The following PRKCE variants were observed in gnomAD, a reference collection of about 807,000 sequenced individuals.
The protein encoded by PRKCE is protein kinase C epsilon, also known as protein kinase C epsilon type.
In PRKCE, 16 loss-of-function variants were observed where a neutral mutation model predicts 85.4. That is an observed-to-expected ratio of 0.19 (90% confidence interval 0.13 to 0.28). PRKCE has a LOEUF of 0.28. PRKCE is among the 10% of genes least tolerant of loss of function. PRKCE has a pLI of 1.00. For synonymous variants in PRKCE, 388 were observed against 371.5 expected (o/e 1.04, Z -0.51); for missense variants, 573 against 975.2 (o/e 0.59, Z 5.49).
chr2:45,675,803 C>T (rs544517890), intron 1 of PRKCE: 1 of 152,398 alleles, frequency 6.6e-6, no homozygotes, highest in East Asian at 1.9e-4. Flanking sequence ...GGAGCTGGCC[C>T]TCAGCTCACA....
chr2:46,118,140 A>G lies in PRKCE; in HGVS notation c.1593-26953A>G, dbSNP rs117444595. Among the ~76,000 whole-genome samples, 134 of 152,356 alleles carry G rather than the reference A, an allele frequency of 8.8e-4. 2 individuals are homozygous for G. In the East Asian group the frequency reaches 0.024, roughly 27 times the overall value. ...TAAATGGTCAGAACCAGGCAACTCTAGAGGAAAAGCTTAGAGGACAGTTTC... is the reference window on the plus strand; with the variant it reads ...TAAATGGTCAGAACCAGGCAACTCTGGAGGAAAAGCTTAGAGGACAGTTTC... On this transcript the variant is annotated intron_variant, in intron 11 of 14. Coordinates refer to ENST00000306156, the MANE Select transcript of PRKCE (RefSeq NM_005400.3).
Position 45,967,121 on chromosome 2 carries a change from T to C in PRKCE, c.413-9308T>C, listed in dbSNP as rs531996843. On this transcript the variant is annotated intron_variant, in intron 2 of 14. Coordinates refer to ENST00000306156, the MANE Select transcript of PRKCE (RefSeq NM_005400.3). ...CAAGAAAGTCCTGATTTGTAGCATT[T>C]GTTGATTTTCCTGTAAATACCCCCA... Among the ~76,000 whole-genome samples the C allele has an allele frequency of 2.2e-4, 33 of 152,304 alleles. No homozygotes were observed. In the South Asian group the frequency reaches 5.6e-3, roughly 26 times the overall value.
At chr2:46,180,328 G>A (rs971002325) in intron 14 of PRKCE, among the ~76,000 whole-genome samples, 1 of 152,204 alleles carries the variant, frequency 6.6e-6, no homozygotes, top group Admixed American at 6.5e-5. Context: ...GAAGCCCCAT[G>A]GTTGGGCAGT....
At chr2:45,675,731 C>T (rs776113813) in intron 1 of PRKCE, 74 of 152,188 alleles carry the variant, frequency 4.9e-4, no homozygotes, top group Non-Finnish European at 8.2e-4. Flanking sequence ...CAAGGTCATG[C>T]CAGAAGAGTT....
chr2:45,661,085 G>A (rs1192919604), intron 1 of PRKCE, among the ~76,000 whole-genome samples: 2 of 152,184 alleles, frequency 1.3e-5, no homozygotes, highest in East Asian at 1.9e-4. Context: ...GTAGTTTTAT[G>A]TTAGTGAAAA....
chr2:45,902,203 T>TTCATCTC lies in PRKCE; in HGVS notation c.412+59150_412+59156dup, dbSNP rs1012940087. Reference sequence around the variant, plus strand: ...ATGGGCCCAGAAGGCGACTTTGGGATTCATCTCTCATCTCTCGTAGTGCAT... The same window carrying TTCATCTC: ...ATGGGCCCAGAAGGCGACTTTGGGATTCATCTCTCATCTCTCATCTCTCGTAGTGCAT... On this transcript the variant is annotated intron_variant, in intron 2 of 14. Transcript: ENST00000306156. 4.6e-5 allele frequency among the ~76,000 whole-genome samples: 7 copies of TTCATCTC among 152,192 alleles called. No homozygotes were observed. In the East Asian group the frequency reaches 5.8e-4, roughly 13 times the overall value.
chr2:45,745,799 A>G (rs1459158869), intron 1 of PRKCE, among the ~76,000 whole-genome samples: 1 of 152,024 alleles, frequency 6.6e-6, no homozygotes, highest in African/African-American at 2.4e-5. Context: ...GAAAGCAGAC[A>G]ATATCAGCGT....
chr2:45,727,378 C>A lies in PRKCE; in HGVS notation c.348+74930C>A, dbSNP rs184122281. ...ATGTTGTGTATGTCCAACCAGTGCA[C>A]AAAAGTGGGAGTGGGTACCTCTAAT... On this transcript the variant is annotated intron_variant, in intron 1 of 14. Transcript: ENST00000306156. Among the ~76,000 whole-genome samples, 31 of 152,228 alleles carry A rather than the reference C, an allele frequency of 2.0e-4. No individual in the cohort carries two copies. In the South Asian group the frequency reaches 5.0e-3, roughly 24 times the overall value.
intron 1 of PRKCE, among the ~76,000 whole-genome samples, chr2:45,723,698 G>T (rs1011403189): frequency 1.1e-4 from 17 of 152,102 alleles, no homozygotes; most frequent in African/African-American, 3.9e-4. Flanking sequence ...TCCGCCTTCC[G>T]GTTTCAAGCG....
In PRKCE at chr2:46,024,262, G is replaced by T. The variant is rs144757525; in HGVS notation, c.1437+13745G>T. Among the ~76,000 whole-genome samples, 461 of 152,058 alleles carry T rather than the reference G, an allele frequency of 3.0e-3. 1 individual carries two copies. Among genetic ancestry groups the T allele is most frequent in the African/African-American group, 0.011 (442 of 41,486 alleles). On this transcript the variant is annotated intron_variant, in intron 10 of 14. Transcript: ENST00000306156. ...AGGCAATCTGAGTTGTATTGGGAAA[G>T]CAACTGATGGAAAAACAGACCCTCT...
chr2:45,806,931 C>A (rs1162188628), intron 1 of PRKCE, among the ~76,000 whole-genome samples: 1 of 152,084 alleles, frequency 6.6e-6, no homozygotes, highest in Non-Finnish European at 1.5e-5. Flanking sequence ...TAGTTGGGCC[C>A]CTGAGGATGT....
intron 1 of PRKCE, among the ~76,000 whole-genome samples, chr2:45,741,265 C>G (rs1381172928): frequency 6.6e-6 from 1 of 152,192 alleles, no homozygotes; most frequent in African/African-American, 2.4e-5. Flanking sequence ...TTTTGATGAG[C>G]TGGAATATCC....
At chr2:45,871,864 T>C (rs1295887196) in intron 2 of PRKCE, among the ~76,000 whole-genome samples, 1 of 152,146 alleles carries the variant, frequency 6.6e-6, no homozygotes, top group Non-Finnish European at 1.5e-5. Flanking sequence ...GTTTGATGTC[T>C]GGGGTCTGAT....
intron 1 of PRKCE, among the ~76,000 whole-genome samples, chr2:45,831,801 C>T (rs754858719): frequency 1.3e-5 from 2 of 152,140 alleles, no homozygotes; most frequent in South Asian, 4.1e-4. Context: ...TGTTGCTTCT[C>T]ATGACAAGCA....
intron 2 of PRKCE, among the ~76,000 whole-genome samples, chr2:45,887,318 A>G (rs1264142108): frequency 6.6e-6 from 1 of 152,238 alleles, no homozygotes; most frequent in Non-Finnish European, 1.5e-5. Context: ...ACAGCCATCA[A>G]GATGAAACTG....
chr2:45,772,580 C>A (rs1337940982), intron 1 of PRKCE, among the ~76,000 whole-genome samples: 1 of 152,132 alleles, frequency 6.6e-6, no homozygotes, highest in Non-Finnish European at 1.5e-5. Flanking sequence ...CTTTGGGGAC[C>A]CTTGAGACTG....
chr2:46,187,674 T>A lies in PRKCE; in HGVS notation c.*2793T>A, dbSNP rs370635372. ...GGACTTTGTGAAGTAGAAACATAAT[T>A]TTTTTTCCTCCAAAGGTGAAAAAAC... On this transcript the variant is annotated 3_prime_UTR_variant, in exon 15 of 15. Coordinates refer to ENST00000306156, the MANE Select transcript of PRKCE (RefSeq NM_005400.3). The A allele has an allele frequency of 1.8e-4, 27 of 152,478 alleles. 1 individual carries two copies. Among genetic ancestry groups the A allele is most frequent in the African/African-American group, 6.3e-4 (26 of 41,462 alleles). 9.4% of individuals were successfully genotyped at this position (152,478 alleles called of 1,614,324 possible).
chr2:45,796,827 A>T lies in PRKCE; in HGVS notation c.349-46173A>T, dbSNP rs959950199. On this transcript the variant is annotated intron_variant, in intron 1 of 14. Transcript: ENST00000306156. ...AGATGGGGGTCTCACTATGTTACCC[A>T]GACTGCTCATGAACTCCTGGCCTCA... Among the ~76,000 whole-genome samples the T allele has an allele frequency of 2.0e-5, 3 of 152,208 alleles. 1 individual carries two copies. The East Asian group carries it at 5.8e-4, about 29-fold the overall frequency.
rs1685597365 is a variant in PRKCE, at chr2:45,774,514, C to G, written c.349-68486C>G. 1.3e-5 allele frequency among the ~76,000 whole-genome samples: 2 copies of G among 152,162 alleles called. No homozygotes were observed. Among genetic ancestry groups the G allele is most frequent in the Non-Finnish European group, 2.9e-5 (2 of 68,028 alleles). ...TCTTCCCTCCCTGTCTCTCCTGTCT[C>G]CTTTCCATCATGCCAAAGCACCCCA... On this transcript the variant is annotated intron_variant, in intron 1 of 14. Transcript: ENST00000306156. This position sits in a 1 kb window ranked among gnomAD's most constrained non-coding sequence, Gnocchi z 4.3.
Sources: gnomAD v4.1 joint callset for allele counts (sites outside exome capture counted in the v4.1 genomes callset) on GRCh38, gnomAD v4.1.1 for gene constraint, Gnocchi (gnomAD v3.1) non-coding constraint, MANE v1.5 for transcripts, NCBI Gene and HGNC (gene_info 2026-07-23, HGNC 2026-07-21) for gene names.